IL1RAPL2: variants seen among roughly 807,000 people sequenced by gnomAD.
IL1RAPL2 encodes the protein interleukin 1 receptor accessory protein like 2, also known as X-linked interleukin-1 receptor accessory protein-like 2.
A neutral mutation model predicts 44.1 loss-of-function variants in IL1RAPL2; 3 were observed. That is an observed-to-expected ratio of 0.07 (90% CI 0.03 to 0.18). The LOEUF is 0.18. Among genes scored for constraint, IL1RAPL2 ranks in the 10% least tolerant of loss-of-function variants. The probability of loss-of-function intolerance (pLI) is 1.00; values close to 1 mark genes in which losing one functional copy is unlikely to be tolerated. For missense variants in IL1RAPL2, 391 were observed against 496.4 expected, an observed-to-expected ratio of 0.79 and a Z score of 2.02; for synonymous variants, 181 against 178.8, an observed-to-expected ratio of 1.01 and a Z score of -0.10.
intron 2 of IL1RAPL2, among the ~76,000 whole-genome samples, chrX:104,816,980 T>C (rs1322315376): frequency 8.9e-6 from 1 of 112,819 alleles, no homozygotes; most frequent in Non-Finnish European, 1.9e-5. Flanking sequence ...TTATTTAACG[T>C]ATGTACATGG....
intron 2 of IL1RAPL2, among the ~76,000 whole-genome samples, chrX:104,713,352 G>C (rs5962443): frequency 0.026 from 2,888 of 110,260 alleles, 92 homozygotes; most frequent in African/African-American, 0.091. Context: ...AGCAATTTGT[G>C]ATCAGCTTCC....
intron 4 of IL1RAPL2, among the ~76,000 whole-genome samples, chrX:105,249,057 A>G (rs2034246838): frequency 9.0e-6 from 1 of 111,589 alleles, no homozygotes; most frequent in East Asian, 2.8e-4. Context: ...TGTTTATTGC[A>G]GCACTATGCA....
At chrX:105,453,081 T>G (rs2036030390) in intron 5 of IL1RAPL2, among the ~76,000 whole-genome samples, 1 of 112,084 alleles carries the variant, frequency 8.9e-6, no homozygotes, top group African/African-American at 3.2e-5. Context: ...AGATATTCAA[T>G]GTACCCTACC....
chrX:104,910,214 G>A (rs1260274185), intron 2 of IL1RAPL2, among the ~76,000 whole-genome samples: 3 of 111,860 alleles, frequency 2.7e-5, no homozygotes, highest in Non-Finnish European at 3.8e-5. Flanking sequence ...GCTTCGGCTC[G>A]CTCACGGTGC....
At chrX:105,671,468 T>C (rs895249355) in intron 6 of IL1RAPL2, among the ~76,000 whole-genome samples, 2 of 111,845 alleles carry the variant, frequency 1.8e-5, no homozygotes, top group Non-Finnish European at 3.8e-5. Context: ...AGTTTGCATG[T>C]CTTTTATTTT....
At chrX:105,727,282 A>T (rs1172110240) in intron 7 of IL1RAPL2, among the ~76,000 whole-genome samples, 2 of 111,967 alleles carry the variant, frequency 1.8e-5, no homozygotes, top group Non-Finnish European at 3.8e-5. Context: ...CAGAAAATTC[A>T]GTTAGCCAGA....
intron 6 of IL1RAPL2, among the ~76,000 whole-genome samples, chrX:105,711,773 A>AATACAATAGTGGGACAGGC (rs2038212790): frequency 8.9e-6 from 1 of 111,877 alleles, no homozygotes; most frequent in Non-Finnish European, 1.9e-5. Context: ...CTACTTCCAA[A>AATACAATAGTGGGACAGGC]ATACAATAGT....
At chrX:104,900,985 T>C (rs1923795725) in intron 2 of IL1RAPL2, among the ~76,000 whole-genome samples, 1 of 111,022 alleles carries the variant, frequency 9.0e-6, no homozygotes, top group East Asian at 2.9e-4. Context: ...AGGGATATTT[T>C]TCTAGAGAAC....
At chrX:104,685,974 T>A (rs1226037818) in intron 2 of IL1RAPL2, among the ~76,000 whole-genome samples, 3 of 108,288 alleles carry the variant, frequency 2.8e-5, no homozygotes, top group Non-Finnish European at 5.8e-5. Context: ...AATAAAAACT[T>A]AAAAAAAAAG....
At chrX:105,168,303 C>T (rs1317134041) in intron 2 of IL1RAPL2, among the ~76,000 whole-genome samples, 1 of 111,102 alleles carries the variant, frequency 9.0e-6, no homozygotes, top group Non-Finnish European at 1.9e-5. Flanking sequence ...CTACGAGTGT[C>T]AGTGTTTTCC....
Position 105,447,241 on chromosome X carries a change from A to T in IL1RAPL2, c.698-37072A>T, listed in dbSNP as rs1204776919. On this transcript the variant is annotated intron_variant, in intron 5 of 10. Coordinates refer to ENST00000372582, the MANE Select transcript of IL1RAPL2 (RefSeq NM_017416.2). ...TAAAATATATATAAATATATATATA[A>T]ATATAAATATATATAAATATATATA... 3.3e-3 allele frequency among the ~76,000 whole-genome samples: 15 copies of T among 4,478 alleles called. 1 individual carries two copies. The highest frequency in any genetic ancestry group is 0.02 in the African/African-American group (9 of 440). The allele number at this position is 4,478 out of a possible 115,157, so 3.9% of individuals were successfully genotyped here.
chrX:104,608,254 G>A lies in IL1RAPL2; in HGVS notation c.-20+41203G>A, dbSNP rs907693390. On this transcript the variant is annotated intron_variant, in intron 1 of 10. Transcript: ENST00000372582. ...GGGGTGGGGGGCTGTGGGAGGGATA[G>A]CATTAGCAGAAATACCTAATGTAAG... 3.6e-5 allele frequency among the ~76,000 whole-genome samples: 4 copies of A among 110,791 alleles called. No homozygotes were observed. The South Asian group carries it at 1.6e-3, about 43-fold the overall frequency.
chrX:105,391,159 A>G (rs189602182), intron 5 of IL1RAPL2, among the ~76,000 whole-genome samples: 4 of 111,678 alleles, frequency 3.6e-5, no homozygotes, highest in Non-Finnish European at 5.6e-5. Context: ...GGCTTCACTT[A>G]TTTATGAGAC....
intron 2 of IL1RAPL2, among the ~76,000 whole-genome samples, chrX:104,972,097 A>G (rs947046523): frequency 1.8e-5 from 2 of 111,196 alleles, no homozygotes; most frequent in African/African-American, 6.6e-5. Context: ...CCCTGTTCCA[A>G]TGGGGGTGGT....
chrX:105,033,121 G>A (rs2031544254), intron 2 of IL1RAPL2, among the ~76,000 whole-genome samples: 1 of 111,262 alleles, frequency 9.0e-6, no homozygotes, highest in Non-Finnish European at 1.9e-5. Flanking sequence ...GTGTGTCTCT[G>A]CACGTGAGAT....
chrX:104,809,383 C>T (rs1453160127), intron 2 of IL1RAPL2, among the ~76,000 whole-genome samples: 1 of 111,597 alleles, frequency 9.0e-6, no homozygotes, highest in African/African-American at 3.3e-5. Context: ...TCCTCTCCAG[C>T]ACCTGTTGTT....
chrX:105,589,501 T>C (rs2037153126), intron 6 of IL1RAPL2, among the ~76,000 whole-genome samples: 1 of 111,747 alleles, frequency 8.9e-6, no homozygotes, highest in South Asian at 3.7e-4. Context: ...GGGTTTTTCG[T>C]AGTTTTGGGT....
chrX:105,585,481 A>G (rs2037120608), intron 6 of IL1RAPL2, among the ~76,000 whole-genome samples: 1 of 110,853 alleles, frequency 9.0e-6, no homozygotes, highest in Non-Finnish European at 1.9e-5. Flanking sequence ...TATTAAGCCC[A>G]GCATGTGTTA....
chrX:105,033,489 G>A (rs1279057018), intron 2 of IL1RAPL2, among the ~76,000 whole-genome samples: 2 of 111,258 alleles, frequency 1.8e-5, no homozygotes, highest in Non-Finnish European at 3.8e-5. Context: ...ATGAAGCTTA[G>A]TTTGGCTGGA....
Sources: gnomAD v4.1 joint callset for allele counts (sites outside exome capture counted in the v4.1 genomes callset) on GRCh38, gnomAD v4.1.1 for gene constraint, MANE v1.5 for transcripts, NCBI Gene and HGNC (gene_info 2026-07-23, HGNC 2026-07-21) for gene names.